Variants in SGCD observed in about 807,000 individuals in gnomAD.
SGCD encodes delta-sarcoglycan.
In SGCD, 18 loss-of-function variants were observed where a neutral mutation model predicts 36.6. The ratio of observed to expected loss-of-function variants is 0.49; its 90% CI spans 0.34 to 0.73. The LOEUF is 0.73. Ranked by LOEUF, SGCD falls within the 30% of genes least tolerant of loss-of-function variation. The pLI is 0.01. For synonymous variants in SGCD, 133 were observed against 130.6 expected (o/e 1.02, Z -0.12); for missense variants, 387 against 346.7 (o/e 1.12, Z -0.92).
At chr5:156,517,641 A>AC (rs898349300) in intron 4 of SGCD, among the ~76,000 whole-genome samples, 3 of 151,912 alleles carry the variant, frequency 2.0e-5, no homozygotes, top group Admixed American at 1.3e-4. Flanking sequence ...CTAACAGCAG[A>AC]CCCCCCTCAG....
rs535440090 is a variant in SGCD at position 156,162,459 on chromosome 5, C to T, written c.-44+38440C>T. 5.4e-4 allele frequency among the ~76,000 whole-genome samples: 82 copies of T among 151,566 alleles called. 3 individuals are homozygous for T. Among genetic ancestry groups the T allele is most frequent in the African/African-American group, 1.9e-3 (77 of 40,900 alleles). On this transcript the variant is annotated intron_variant, in intron 3 of 9. Coordinates refer to the SGCD transcript ENST00000517913. ...CGTGAGGTCTTAATAGTGTGTGCAGCTCTCCATTGAGCAAGTGGTCAAGGA... is the reference window on the plus strand; with the variant it reads ...CGTGAGGTCTTAATAGTGTGTGCAGTTCTCCATTGAGCAAGTGGTCAAGGA...
intron 3 of SGCD, among the ~76,000 whole-genome samples, chr5:156,275,743 C>T (rs960108826): frequency 2.6e-5 from 4 of 152,154 alleles, no homozygotes; most frequent in African/African-American, 9.7e-5. Flanking sequence ...AATTGCTACA[C>T]CTACTCTTAC....
chr5:156,539,502 A>T (rs978894995), intron 4 of SGCD, among the ~76,000 whole-genome samples: 5 of 151,980 alleles, frequency 3.3e-5, no homozygotes, highest in Admixed American at 6.6e-5. Context: ...AAGTGAGGAC[A>T]TAGGATATTT....
intron 3 of SGCD, among the ~76,000 whole-genome samples, chr5:156,186,412 G>A (rs538882997): frequency 4.3e-4 from 66 of 152,078 alleles, no homozygotes; most frequent in Non-Finnish European, 7.6e-4. Flanking sequence ...CATCCCTACC[G>A]TTCAAGTACA....
Position 156,671,903 on chromosome 5 carries a change from TAAGA to T in SGCD, c.575+24372_575+24375del, listed in dbSNP as rs548264050. On this transcript the variant is annotated intron_variant, in intron 7 of 8. Coordinates refer to ENST00000337851, the MANE Select transcript of SGCD (RefSeq NM_000337.6). ...ATGTCACATGGCAAGAGAAAGGGAA[TAAGA>T]AAGAGACACCGGGCTCTTTAAAACA... Among the ~76,000 whole-genome samples, 458 of 152,032 alleles carry T rather than the reference TAAGA, an allele frequency of 3.0e-3. 2 individuals carry two copies. Among genetic ancestry groups the T allele is most frequent in the Non-Finnish European group, 4.7e-3 (318 of 67,966 alleles).
intron 3 of SGCD, among the ~76,000 whole-genome samples, chr5:156,168,483 G>T (rs939147031): frequency 6.6e-6 from 1 of 152,176 alleles, no homozygotes; most frequent in Admixed American, 6.5e-5. Context: ...GCTGAGGCAG[G>T]AGGACTGCTT....
intron 1 of SGCD, among the ~76,000 whole-genome samples, chr5:156,076,543 TC>T (rs1760789529): frequency 6.6e-6 from 1 of 152,216 alleles, no homozygotes; most frequent in African/African-American, 2.4e-5. Flanking sequence ...AATGTCAAAC[TC>T]TGAAGCCAGC....
chr5:156,070,848 G>C (rs1488362823), intron 1 of SGCD, among the ~76,000 whole-genome samples: 1 of 152,084 alleles, frequency 6.6e-6, no homozygotes, highest in Non-Finnish European at 1.5e-5. Flanking sequence ...CTTCTTCCTG[G>C]TTTAGTCTTG....
intron 3 of SGCD, among the ~76,000 whole-genome samples, chr5:156,163,289 G>A (rs901014417): frequency 6.6e-6 from 1 of 151,592 alleles, no homozygotes; most frequent in Non-Finnish European, 1.5e-5. Flanking sequence ...GCAAATGGAG[G>A]AGTGAGACAT....
At chr5:156,614,031 T>C (rs1390372350) in intron 6 of SGCD, among the ~76,000 whole-genome samples, 1 of 152,056 alleles carries the variant, frequency 6.6e-6, no homozygotes, top group African/African-American at 2.4e-5. Flanking sequence ...ACTGCAACCT[T>C]TGCCTCCCAG....
intron 2 of SGCD, among the ~76,000 whole-genome samples, chr5:156,123,199 G>A (rs2127603294): frequency 6.6e-6 from 1 of 152,186 alleles, no homozygotes; most frequent in South Asian, 2.1e-4. Context: ...GAAATATCTG[G>A]GCCTGGAGAC....
intron 4 of SGCD, among the ~76,000 whole-genome samples, chr5:156,556,518 C>T (rs1759027399): frequency 6.6e-6 from 1 of 152,222 alleles, no homozygotes. Flanking sequence ...TTAGCAATGG[C>T]TTAAAATAAC....
intron 3 of SGCD, among the ~76,000 whole-genome samples, chr5:156,297,620 A>G (rs968478591): frequency 1.8e-4 from 21 of 114,954 alleles, no homozygotes; most frequent in Non-Finnish European, 3.1e-4. Context: ...GGGGAATATC[A>G]CACTCTGGGG....
At chr5:156,663,076 C>T (rs367645199) in intron 7 of SGCD, among the ~76,000 whole-genome samples, 1,204 of 120,722 alleles carry the variant, frequency 1.0e-2, no homozygotes, top group Middle Eastern at 0.019. Flanking sequence ...TATATCCCAT[C>T]TTGGTCATGA....
At chr5:156,277,844 T>C (rs1482353033) in intron 3 of SGCD, among the ~76,000 whole-genome samples, 3 of 152,214 alleles carry the variant, frequency 2.0e-5, no homozygotes, top group Admixed American at 2.0e-4. Flanking sequence ...ATCTCATACT[T>C]GCTATGGATG....
At chr5:156,090,804 G>T (rs938114084) in intron 1 of SGCD, among the ~76,000 whole-genome samples, 2 of 152,082 alleles carry the variant, frequency 1.3e-5, no homozygotes, top group African/African-American at 4.8e-5. Flanking sequence ...CTTCCCCAGG[G>T]TTATCAATTA....
chr5:155,996,653 T>C (rs190742700), intron 1 of SGCD, among the ~76,000 whole-genome samples: 1 of 151,756 alleles, frequency 6.6e-6, no homozygotes, highest in Non-Finnish European at 1.5e-5. Context: ...TGGTGCATAG[T>C]CTGTGATCTC....
intron 1 of SGCD, among the ~76,000 whole-genome samples, chr5:155,886,468 C>T (rs1756001486): frequency 6.6e-6 from 1 of 151,986 alleles, no homozygotes; most frequent in Non-Finnish European, 1.5e-5. Flanking sequence ...TTGGTACAAA[C>T]TTTGCAGAGG....
chr5:156,738,710 G>T (rs1483241085), intron 7 of SGCD: 1 of 152,182 alleles, frequency 6.6e-6, no homozygotes, highest in Non-Finnish European at 1.5e-5. Flanking sequence ...AGGAACAAAA[G>T]AAATCATCAG....
Sources: allele counts gnomAD v4.1 joint callset (sites outside exome capture counted in the v4.1 genomes callset), GRCh38; gene constraint gnomAD v4.1.1; transcripts MANE v1.5; gene names NCBI Gene and HGNC (gene_info 2026-07-23, HGNC 2026-07-21).